The following C6orf89 variants were observed in gnomAD, a reference collection of about 807,000 sequenced individuals.
The protein encoded by C6orf89 is bombesin receptor-activated protein C6orf89.
Under a neutral mutation model 40.7 loss-of-function variants are expected in C6orf89, and 29 were observed. The ratio of observed to expected loss-of-function variants is 0.71; its 90% CI spans 0.53 to 0.97. C6orf89 has a LOEUF of 0.97. Among genes scored for constraint, C6orf89 ranks in the 50% least tolerant of loss-of-function variants. C6orf89 has a pLI of 0.00. For synonymous variants in C6orf89, 165 were observed against 152.2 expected, an observed-to-expected ratio of 1.08 and a Z score of -0.62; for missense variants, 392 against 429.1, an observed-to-expected ratio of 0.91 and a Z score of 0.76.
At position 36,914,629 on chromosome 6, in the gene C6orf89, G is replaced by C. The variant is rs1006809999; in HGVS notation, c.631G>C (p.Glu211Gln). The change falls in exon 6 of 9, where the codon GAA becomes CAA. Residue 211 changes from glutamate to glutamine, a missense_variant. By Grantham distance (29) the Glu-to-Gln change is conservative. Coordinates refer to ENST00000480824, the MANE Select transcript of C6orf89 (RefSeq NM_001286635.2). ...QYPEATEGFS[E>Q]GFFAKWWRCF... ...CCCTGAGGCGACAGAAGGCTTCTCT[G>C]AAGGGTTTTTCGCCAAGTGGTGGCG... is the stretch of plus-strand genomic sequence containing the variant. 1 of 1,614,252 alleles carries C rather than the reference G, an allele frequency of 6.2e-7. No homozygotes were observed. Among genetic ancestry groups the C allele is most frequent in the South Asian group, 1.1e-5 (1 of 91,084 alleles).
chr6:36,877,051 C>T (rs778946792), intron 1 of C6orf89, among the ~76,000 whole-genome samples: 1 of 152,092 alleles, frequency 6.6e-6, no homozygotes, highest in African/African-American at 2.4e-5. Context: ...TTATAAAGTA[C>T]GTATTTTTTT....
intron 8 of C6orf89, among the ~76,000 whole-genome samples, chr6:36,920,190 A>G (rs1762465338): frequency 6.6e-6 from 1 of 152,194 alleles, no homozygotes; most frequent in African/African-American, 2.4e-5. Flanking sequence ...ATGGTCACAC[A>G]AGGAAATGTT....
At chr6:36,916,694 C>T (rs927871002) in intron 7 of C6orf89, 120 bp downstream of exon 7, 4 of 1,221,440 alleles carry the variant, frequency 3.3e-6, no homozygotes, top group East Asian at 2.4e-5. Flanking sequence ...ATTGAGGGGA[C>T]ACCCACACAG....
At chr6:36,886,217 C>T (rs546482530) in intron 1 of C6orf89, among the ~76,000 whole-genome samples, 189 bp downstream of exon 1, 1 of 152,290 alleles carries the variant, frequency 6.6e-6, no homozygotes, top group South Asian at 2.1e-4. Flanking sequence ...CCCCCGGGGT[C>T]GACTCCCTTA....
rs114366117 is a variant in C6orf89 at position 36,912,055 on chromosome 6, G to A, written c.404-2229G>A. On this transcript the variant is annotated intron_variant, in intron 4 of 8. Coordinates refer to ENST00000480824, the MANE Select transcript of C6orf89 (RefSeq NM_001286635.2). ...TCCAGAATAATCTTCCTAGAACATC[G>A]AGAAATTCCTGCTCAAAAGCCTCCA... is the stretch of plus-strand genomic sequence containing the variant. 5.8e-3 allele frequency among the ~76,000 whole-genome samples: 878 copies of A among 150,686 alleles called. 7 individuals carry two copies. Among genetic ancestry groups the A allele is most frequent in the African/African-American group, 0.019 (793 of 41,020 alleles).
chr6:36,923,454 T>C lies in C6orf89; in HGVS notation c.*13T>C, dbSNP rs1382995079. The C allele has an allele frequency of 3.1e-6, 5 of 1,602,100 alleles. No individual in the cohort carries two copies. The highest frequency in any genetic ancestry group is 2.6e-6 in the Non-Finnish European group (3 of 1,169,010). On this transcript the variant is annotated 3_prime_UTR_variant, in exon 9 of 9. Transcript: ENST00000480824. ...CTCAGAACTGTAGGAAATAGAACTG[T>C]GCACAGGAACAGCTTCCAGAGCCGA...
chr6:36,916,318 A>T, intron 6 of C6orf89, 127 bp from the exon 7 acceptor site: 1 of 985,478 alleles, frequency 1.0e-6, no homozygotes, highest in Non-Finnish European at 1.5e-6. Context: ...AGTACTTAAG[A>T]TACTGTACTC....
At chr6:36,906,903 G>A (rs1395389609) in intron 4 of C6orf89, among the ~76,000 whole-genome samples, 1 of 152,210 alleles carries the variant, frequency 6.6e-6, no homozygotes, top group Non-Finnish European at 1.5e-5. Context: ...TATAATGCAA[G>A]AAATGATGAA....
At chr6:36,909,435 T>C (rs1289775367) in intron 4 of C6orf89, among the ~76,000 whole-genome samples, 1 of 152,186 alleles carries the variant, frequency 6.6e-6, no homozygotes, top group African/African-American at 2.4e-5. Flanking sequence ...GTTAGAAAAC[T>C]AAATAATAGT....
intron 7 of C6orf89, among the ~76,000 whole-genome samples, chr6:36,918,219 A>T (rs957173539): frequency 6.6e-6 from 1 of 152,024 alleles, no homozygotes. Flanking sequence ...CACTTCACCC[A>T]CTCCACGGTG....
chr6:36,879,765 T>C (rs1774754415), intron 2 of C6orf89, among the ~76,000 whole-genome samples: 1 of 152,046 alleles, frequency 6.6e-6, no homozygotes. Context: ...GGATGGGGTC[T>C]CCATCTTGTT....
chr6:36,901,321 ATTTTTTTTTTTTTT>A (rs60381134), intron 3 of C6orf89, among the ~76,000 whole-genome samples: 26 of 19,012 alleles, frequency 1.4e-3, no homozygotes, highest in African/African-American at 4.4e-3. Flanking sequence ...TATTATTATT[ATTTTTTTTTTTTTT>A]TTTTTTTTTT....
intron 4 of C6orf89, among the ~76,000 whole-genome samples, chr6:36,905,827 A>G (rs1761905912): frequency 6.6e-6 from 1 of 152,142 alleles, no homozygotes; most frequent in Non-Finnish European, 1.5e-5. Context: ...ACCCCATTTT[A>G]TAAAAGAGGT....
chr6:36,906,216 C>G (rs1036333818), intron 4 of C6orf89, among the ~76,000 whole-genome samples: 2 of 152,226 alleles, frequency 1.3e-5, no homozygotes, highest in Non-Finnish European at 2.9e-5. Context: ...AACTAAGAAT[C>G]TAGTAAGACT....
rs763258481 is a variant in C6orf89, at chr6:36,899,516, C to G, written c.72C>G (p.Thr24=). The change falls in exon 3 of 9, where the codon ACC becomes ACG. Residue 24 remains threonine, a synonymous_variant. Coordinates refer to ENST00000480824, the MANE Select transcript of C6orf89 (RefSeq NM_001286635.2). ...LSETVDLVRQ[T]GHQCGMSEKA... is the part of the protein sequence containing the mutation. ...AGACTGTTGATTTGGTGAGACAGAC[C>G]GGCCATCAGTGTGGCATGTCAGAGA... The G allele has an allele frequency of 3.1e-6, 5 of 1,613,804 alleles. No individual in the cohort carries two copies. Among genetic ancestry groups the G allele is most frequent in the South Asian group, 1.1e-5 (1 of 91,064 alleles).
intron 4 of C6orf89, among the ~76,000 whole-genome samples, chr6:36,909,178 T>TG (rs1405996105): frequency 7.3e-6 from 1 of 137,396 alleles, no homozygotes; most frequent in South Asian, 2.3e-4. Flanking sequence ...AGGGTTGTTG[T>TG]GGGTTTTTTT....
intron 3 of C6orf89, among the ~76,000 whole-genome samples, chr6:36,901,327 T>TTA (rs1761696152): frequency 2.6e-5 from 1 of 39,088 alleles, no homozygotes; most frequent in Non-Finnish European, 4.6e-5. Flanking sequence ...TATTATTTTT[T>TTA]TTTTTTTTTT....
In C6orf89 at chr6:36,914,669, G is replaced by A. The variant is rs771199708; in HGVS notation, c.671G>A (p.Arg224Gln). ...FAKWWRCFPE[R>Q]WFPFPYPWRR... is the part of the protein sequence containing the mutation. ...AAGTGGTGGCGCTGCTTTCCTGAGCGGTGGTTCCCATTTCCTTATCCATGG... is the reference window on the plus strand; with the variant it reads ...AAGTGGTGGCGCTGCTTTCCTGAGCAGTGGTTCCCATTTCCTTATCCATGG... The change falls in exon 6 of 9, where the codon CGG becomes CAG. Residue 224 changes from arginine (R) to glutamine (Q), a missense_variant. Physicochemically the swap from Arg to Gln is conservative, Grantham distance 43 (BLOSUM62 1). Transcript: ENST00000480824. 2.4e-5 allele frequency: 38 copies of A among 1,614,084 alleles called. No individual in the cohort carries two copies. Among genetic ancestry groups the A allele is most frequent in the Admixed American group, 3.3e-5 (2 of 60,004 alleles).
At chr6:36,889,582 C>CAAAA (rs58417436) in intron 1 of C6orf89, among the ~76,000 whole-genome samples, 7 of 140,466 alleles carry the variant, frequency 5.0e-5, no homozygotes, top group South Asian at 2.2e-4. Flanking sequence ...AAAACAAAAA[C>CAAAA]AAAAAAAAAA....
Sources: gnomAD v4.1 joint callset for allele counts (sites outside exome capture counted in the v4.1 genomes callset) on GRCh38, gnomAD v4.1.1 for gene constraint, MANE v1.5 for transcripts, NCBI Gene and HGNC (gene_info 2026-07-23, HGNC 2026-07-21) for gene names.